SMG7: variants seen among roughly 807,000 people sequenced by gnomAD.
SMG7 encodes the protein nonsense-mediated mRNA decay factor SMG7.
Under a neutral mutation model 148.2 loss-of-function variants are expected in SMG7, and 34 were observed. The observed-to-expected ratio is 0.23, with a 90% CI of 0.17 to 0.31. The LOEUF is 0.31. Ranked by LOEUF, SMG7 falls within the 10% of genes least tolerant of loss-of-function variation. SMG7 has a pLI of 1.00. For synonymous variants in SMG7, 492 were observed against 515.1 expected, an observed-to-expected ratio of 0.96 and a Z score of 0.61; for missense variants, 1,114 against 1,408.4, an observed-to-expected ratio of 0.79 and a Z score of 3.35.
chr1:183,549,910 TC>T lies in SMG7; in HGVS notation c.3122del (p.Pro1041LeufsTer109). 1 of 1,613,462 alleles carries T rather than the reference TC, an allele frequency of 6.2e-7. No individual in the cohort carries two copies. The highest frequency in any genetic ancestry group is 8.5e-7 in the Non-Finnish European group (1 of 1,179,422). ...FEGTPWSPSL[P>X]ASSDHSTPAS... Reference sequence around the variant, plus strand: ...AAGGGACTCCGTGGTCTCCATCACTTCCTGCCAGTTCAGGTATTAACTACTC... The same window carrying T: ...AAGGGACTCCGTGGTCTCCATCACTTCTGCCAGTTCAGGTATTAACTACTC... On this transcript the variant is annotated frameshift_variant, in exon 20 of 23. Transcript: ENST00000688051. LOFTEE classifies it high-confidence loss of function.
At chr1:183,513,577 G>C (rs143330019) in intron 2 of SMG7, among the ~76,000 whole-genome samples, 1 of 151,992 alleles carries the variant, frequency 6.6e-6, no homozygotes, top group East Asian at 1.9e-4. Context: ...TCACCATGTT[G>C]GTCAGGCTGG....
chr1:183,534,261 G>A (rs929215155), intron 10 of SMG7, among the ~76,000 whole-genome samples: 4 of 152,074 alleles, frequency 2.6e-5, no homozygotes, highest in African/African-American at 7.2e-5. Flanking sequence ...AATAATATTT[G>A]TTTATTTGAA....
intron 1 of SMG7, among the ~76,000 whole-genome samples, chr1:183,486,923 G>C (rs1655583480): frequency 6.6e-6 from 1 of 152,188 alleles, no homozygotes; most frequent in Non-Finnish European, 1.5e-5. Flanking sequence ...GCTGGTCACT[G>C]TCTTTTTAAA....
chr1:183,488,915 C>A (rs1490719651), intron 1 of SMG7, among the ~76,000 whole-genome samples: 3 of 152,076 alleles, frequency 2.0e-5, no homozygotes, highest in Admixed American at 6.5e-5. Flanking sequence ...AACTTCTGAC[C>A]TTAGGTGATC....
At chr1:183,489,351 G>A (rs1393451834) in intron 1 of SMG7, among the ~76,000 whole-genome samples, 1 of 152,038 alleles carries the variant, frequency 6.6e-6, no homozygotes, top group African/African-American at 2.4e-5. Context: ...GAATAACTTT[G>A]TGAAGGGCAA....
intron 8 of SMG7, among the ~76,000 whole-genome samples, chr1:183,531,854 C>T (rs966735907): frequency 1.3e-5 from 2 of 151,978 alleles, no homozygotes; most frequent in Non-Finnish European, 2.9e-5. Flanking sequence ...TTTGAATAAA[C>T]GCCAGCTGAT....
chr1:183,544,312 T>C (rs371830286), intron 14 of SMG7, 41 bp from the exon 15 acceptor site: 44 of 1,565,490 alleles, frequency 2.8e-5, no homozygotes, highest in Non-Finnish European at 3.8e-5. Flanking sequence ...CACATTTGAG[T>C]TTCAATTTAT....
At chr1:183,482,381 GA>G (rs1218988676) in intron 1 of SMG7, among the ~76,000 whole-genome samples, 2 of 151,690 alleles carry the variant, frequency 1.3e-5, no homozygotes, top group Non-Finnish European at 2.9e-5. Flanking sequence ...ACTTCCTCTT[GA>G]GATATGTAAA....
At chr1:183,495,608 C>T (rs1456164911) in intron 1 of SMG7, among the ~76,000 whole-genome samples, 5 of 152,136 alleles carry the variant, frequency 3.3e-5, no homozygotes, top group East Asian at 1.9e-4. Flanking sequence ...AGGTGGCTCA[C>T]GCCCCTAATC....
chr1:183,531,340 G>C (rs999410321), intron 8 of SMG7, among the ~76,000 whole-genome samples: 3 of 152,224 alleles, frequency 2.0e-5, no homozygotes, highest in Admixed American at 2.0e-4. Flanking sequence ...AATGTGGGCT[G>C]TTTGTTAATG....
intron 12 of SMG7, 32 bp from the exon 13 acceptor site, chr1:183,540,952 A>G (rs759730399): frequency 1.2e-6 from 2 of 1,606,402 alleles, no homozygotes; most frequent in East Asian, 2.2e-5. Context: ...TAGCAATTTA[A>G]TATTCTCATA....
At chr1:183,481,244 T>C (rs990133803) in intron 1 of SMG7, among the ~76,000 whole-genome samples, 10 of 152,186 alleles carry the variant, frequency 6.6e-5, no homozygotes, top group African/African-American at 2.2e-4. Context: ...AATCATGGCA[T>C]ATGCATTCCT....
intron 1 of SMG7, among the ~76,000 whole-genome samples, chr1:183,490,551 T>G (rs1656691646): frequency 6.6e-6 from 1 of 152,144 alleles, no homozygotes; most frequent in East Asian, 1.9e-4. Context: ...ATTAAAAAAT[T>G]TGGTAACATT....
chr1:183,543,301 A>G (rs1344052435), intron 14 of SMG7, among the ~76,000 whole-genome samples: 1 of 152,194 alleles, frequency 6.6e-6, no homozygotes, highest in Non-Finnish European at 1.5e-5. Context: ...TGTTTGCATG[A>G]GAAACTTTAC....
At chr1:183,512,996 T>C (rs1438255555) in intron 2 of SMG7, 128 bp downstream of exon 2, 2 of 768,420 alleles carry the variant, frequency 2.6e-6, no homozygotes, top group Admixed American at 3.3e-5. Context: ...GATCATTTAC[T>C]ATCTGCTTTA....
chr1:183,517,888 T>C, intron 4 of SMG7, 68 bp downstream of exon 4: 1 of 1,460,268 alleles, frequency 6.8e-7, no homozygotes, highest in East Asian at 2.3e-5. Flanking sequence ...TGTACACGTC[T>C]TAATGCATGT....
At position 183,544,856 on chromosome 1, in the gene SMG7, T is replaced by TA. The variant is rs372519216; in HGVS notation, c.1988-64dup. ...TAGAAGACTCCCTCTACCTACCTGT[T>TA]AAAAAAAAAATGACTTTTTTTGCAA... On this transcript the variant is annotated intron_variant, in intron 15 of 22. Transcript: ENST00000688051. 8.9e-3 allele frequency: 11,820 copies of TA among 1,329,450 alleles called. 173 individuals carry two copies. Among genetic ancestry groups the TA allele is most frequent in the African/African-American group, 0.079 (5,383 of 68,190 alleles). 82.4% of individuals were successfully genotyped at this position (1,329,450 alleles called of 1,614,324 possible).
At chr1:183,489,075 A>C (rs1040260201) in intron 1 of SMG7, among the ~76,000 whole-genome samples, 5 of 152,082 alleles carry the variant, frequency 3.3e-5, no homozygotes, top group African/African-American at 1.2e-4. Flanking sequence ...AGATGTTTTC[A>C]CCGACAGAAT....
At chr1:183,496,683 G>C (rs1026230971) in intron 1 of SMG7, among the ~76,000 whole-genome samples, 5 of 152,084 alleles carry the variant, frequency 3.3e-5, no homozygotes, top group African/African-American at 1.2e-4. Flanking sequence ...CTGGCCACTT[G>C]TTCTCAATCT....
Sources: gnomAD v4.1 joint callset for allele counts (sites outside exome capture counted in the v4.1 genomes callset) on GRCh38, gnomAD v4.1.1 for gene constraint, MANE v1.5 for transcripts, NCBI Gene and HGNC (gene_info 2026-07-23, HGNC 2026-07-21) for gene names.